The following RALYL variants were observed in gnomAD, a reference collection of about 807,000 sequenced individuals.
RALYL encodes the protein RNA-binding Raly-like protein.
A neutral mutation model predicts 35.1 loss-of-function variants in RALYL; 29 were observed. That is an observed-to-expected ratio of 0.83 (90% CI 0.61 to 1.13). The LOEUF (loss-of-function observed/expected upper bound fraction) is 1.13. Among genes scored for constraint, RALYL ranks in the 50% most tolerant of loss-of-function variants. The probability of loss-of-function intolerance (pLI) is 0.00; values close to 1 mark genes in which losing one functional copy is unlikely to be tolerated. For synonymous variants in RALYL, 120 were observed against 127.6 expected, an observed-to-expected ratio of 0.94 and a Z score of 0.40; for missense variants, 359 against 360.4, an observed-to-expected ratio of 1.00 and a Z score of 0.03.
At chr8:84,438,965 C>A (rs1005200293) in intron 1 of RALYL, among the ~76,000 whole-genome samples, 1 of 151,916 alleles carries the variant, frequency 6.6e-6, no homozygotes, top group East Asian at 1.9e-4. Context: ...TTATCAGTAC[C>A]AACGTAGGCC....
At chr8:84,913,721 A>G (rs80072170) in intron 8 of RALYL, among the ~76,000 whole-genome samples, 6,202 of 152,054 alleles carry the variant, frequency 0.041, 396 homozygotes, top group African/African-American at 0.14. Flanking sequence ...TGAGTTATCC[A>G]GTATTCTATT....
intron 1 of RALYL, among the ~76,000 whole-genome samples, chr8:84,483,566 G>A (rs1409401729): frequency 6.6e-6 from 1 of 152,072 alleles, no homozygotes; most frequent in East Asian, 1.9e-4. Flanking sequence ...CTTAAATAAT[G>A]TACCTTTGTC....
intron 4 of RALYL, among the ~76,000 whole-genome samples, chr8:84,818,937 C>T (rs1394951991): frequency 2.0e-5 from 3 of 152,158 alleles, no homozygotes; most frequent in Admixed American, 6.6e-5. Context: ...AAAATCCATG[C>T]GTAGTGTTGA....
intron 1 of RALYL, among the ~76,000 whole-genome samples, chr8:84,217,426 T>C (rs1305909657): frequency 6.6e-6 from 1 of 152,118 alleles, no homozygotes; most frequent in Non-Finnish European, 1.5e-5. Flanking sequence ...TTGAACTATA[T>C]TATTTTTCAT....
chr8:84,613,700 GA>G (rs995269651), intron 2 of RALYL, among the ~76,000 whole-genome samples: 1 of 151,060 alleles, frequency 6.6e-6, no homozygotes, highest in South Asian at 2.1e-4. Flanking sequence ...AATGTACAGG[GA>G]AAAAAAGCCT....
chr8:84,751,703 C>A (rs968866541), intron 2 of RALYL, among the ~76,000 whole-genome samples: 1 of 152,002 alleles, frequency 6.6e-6, no homozygotes, highest in African/African-American at 2.4e-5. Context: ...TATGTAGCAC[C>A]TCCCCACAAC....
At position 84,542,819 on chromosome 8, in the gene RALYL, C is replaced by T. The variant is rs912023336; in HGVS notation, c.256+13242C>T. Among the ~76,000 whole-genome samples, 10 of 152,032 alleles carry T rather than the reference C, an allele frequency of 6.6e-5. 1 individual carries two copies. The highest frequency in any genetic ancestry group is 1.3e-4 in the Admixed American group (2 of 15,238). On this transcript the variant is annotated intron_variant, in intron 2 of 8. Coordinates refer to ENST00000521268, the MANE Select transcript of RALYL (RefSeq NM_173848.7). ...CCCTTAGTGTAAATCTAGTAACAAT[C>T]GTGTTTTCACAGTTCCCTCTCATAA...
chr8:84,898,655 T>C (rs1366102298), intron 8 of RALYL, among the ~76,000 whole-genome samples: 1 of 152,202 alleles, frequency 6.6e-6, no homozygotes, highest in African/African-American at 2.4e-5. Flanking sequence ...TTGGCTGCTA[T>C]AACTAAATGC....
At chr8:84,290,914 T>A (rs558047454) in intron 1 of RALYL, among the ~76,000 whole-genome samples, 95 of 152,338 alleles carry the variant, frequency 6.2e-4, no homozygotes, top group Non-Finnish European at 9.3e-4. Flanking sequence ...TTTTGATATC[T>A]TTCAGATCTC....
At chr8:84,892,298 A>G (rs570229543) in intron 8 of RALYL, among the ~76,000 whole-genome samples, 1 of 152,220 alleles carries the variant, frequency 6.6e-6, no homozygotes, top group South Asian at 2.1e-4. Flanking sequence ...CAAGTAGCTT[A>G]GTGTCTTGTA....
At position 84,529,524 on chromosome 8, in the gene RALYL, C is replaced by A; in HGVS notation, c.203C>A (p.Ala68Glu). Residue 68 changes from alanine to glutamate, a missense_variant, in exon 2 of 9, where the codon GCA becomes GAA. Transcript: ENST00000521268. ...GTACAGTACATGAGTGAGCGACATG[C>A]AAGAGCTGCAGTGGCTGGAGAAAAT... ...AFVQYMSERH[A>E]RAAVAGENAR... 1.2e-6 allele frequency: 2 copies of A among 1,612,538 alleles called. No homozygotes were observed. The highest frequency in any genetic ancestry group is 8.5e-7 in the Non-Finnish European group (1 of 1,178,650).
At chr8:84,629,657 TATA>T (rs1292733207) in intron 2 of RALYL, among the ~76,000 whole-genome samples, 98 of 152,118 alleles carry the variant, frequency 6.4e-4, no homozygotes, top group Non-Finnish European at 4.4e-5. Flanking sequence ...GTGTAATATG[TATA>T]ATAATATACA....
At chr8:84,857,791 A>T (rs1305185689) in intron 5 of RALYL, among the ~76,000 whole-genome samples, 1 of 152,330 alleles carries the variant, frequency 6.6e-6, no homozygotes, top group Non-Finnish European at 1.5e-5. Flanking sequence ...GCTTATAAAA[A>T]CAGATTAAAG....
chr8:84,712,846 A>C (rs930503114), intron 2 of RALYL, among the ~76,000 whole-genome samples: 4 of 152,172 alleles, frequency 2.6e-5, no homozygotes, highest in African/African-American at 7.2e-5. Flanking sequence ...GTGTTAAATG[A>C]AGATATTAGT....
intron 1 of RALYL, among the ~76,000 whole-genome samples, chr8:84,469,085 T>G (rs1033246668): frequency 6.6e-6 from 1 of 152,216 alleles, no homozygotes; most frequent in African/African-American, 2.4e-5. Flanking sequence ...TTGCCTTCGG[T>G]TTGAATGTCC....
chr8:84,263,554 G>A (rs761494827), intron 1 of RALYL, among the ~76,000 whole-genome samples: 1 of 152,002 alleles, frequency 6.6e-6, no homozygotes, highest in Non-Finnish European at 1.5e-5. Context: ...GTTAACCAAA[G>A]GTTAATCTAT....
At chr8:84,913,764 T>G (rs116995493) in intron 8 of RALYL, among the ~76,000 whole-genome samples, 4,746 of 152,106 alleles carry the variant, frequency 0.031, 111 homozygotes, top group Non-Finnish European at 0.051. Flanking sequence ...TAAAAGTGTT[T>G]TGGTAATATT....
At chr8:84,750,348 C>T (rs529427545) in intron 2 of RALYL, among the ~76,000 whole-genome samples, 6 of 152,250 alleles carry the variant, frequency 3.9e-5, no homozygotes, top group East Asian at 1.9e-4. Flanking sequence ...TTAGTCTGAA[C>T]GCAACCTATC....
At position 84,632,432 on chromosome 8, in the gene RALYL, A is replaced by G. The variant is rs921541582; in HGVS notation, c.256+102855A>G. On this transcript the variant is annotated intron_variant, in intron 2 of 8. Coordinates refer to ENST00000521268, the MANE Select transcript of RALYL (RefSeq NM_173848.7). ...TGATAATATTAGAAGTCCATTCTAGAAACTCTGAGTATTTGGATATAAAAG... is the reference window on the plus strand; with the variant it reads ...TGATAATATTAGAAGTCCATTCTAGGAACTCTGAGTATTTGGATATAAAAG... Among the ~76,000 whole-genome samples, 6 of 151,932 alleles carry G rather than the reference A, an allele frequency of 3.9e-5. No individual in the cohort carries two copies. The East Asian group carries it at 1.2e-3, about 29-fold the overall frequency.
Sources: allele counts gnomAD v4.1 joint callset (sites outside exome capture counted in the v4.1 genomes callset), GRCh38; gene constraint gnomAD v4.1.1; transcripts MANE v1.5; gene names NCBI Gene and HGNC (gene_info 2026-07-23, HGNC 2026-07-21).